PPOX: variants seen among roughly 807,000 people sequenced by gnomAD.
The protein encoded by PPOX is protoporphyrinogen oxidase, also known as variegate porphyria.
Under a neutral mutation model 54.1 loss-of-function variants are expected in PPOX, and 23 were observed. That is an observed-to-expected ratio of 0.43 (90% CI 0.31 to 0.60). The LOEUF (loss-of-function observed/expected upper bound fraction) is 0.60, where lower values mean the gene tolerates loss of function less well. Ranked by LOEUF, PPOX falls within the 20% of genes least tolerant of loss-of-function variation. The pLI is 0.13. For missense variants in PPOX, 512 were observed against 601.1 expected, an observed-to-expected ratio of 0.85 and a Z score of 1.55; for synonymous variants, 224 against 236.1, an observed-to-expected ratio of 0.95 and a Z score of 0.47.
chr1:161,172,772 A>C (rs573256302), downstream of PPOX, among the ~76,000 whole-genome samples: 154 of 152,242 alleles, frequency 1.0e-3, no homozygotes, highest in Middle Eastern at 3.4e-3. Flanking sequence ...TCACACCTGC[A>C]ATCCTAGCAC....
At chr1:161,171,742 G>A (rs1394212563), downstream of PPOX, 3 of 1,556,210 alleles carry the variant, frequency 1.9e-6, no homozygotes, top group African/African-American at 1.4e-5. Flanking sequence ...TCTGAGAACA[G>A]TGAGGAGCTG....
Position 161,171,014 on chromosome 1 carries a change from C to G in PPOX, c.1292-20C>G. 1 of 1,614,154 alleles carries G rather than the reference C, an allele frequency of 6.2e-7. No homozygotes were observed. Among genetic ancestry groups the G allele is most frequent in the Non-Finnish European group, 8.5e-7 (1 of 1,180,004 alleles). On this transcript the variant is annotated intron_variant, in intron 12 of 12. Transcript: ENST00000367999. ...CATCAGACCCCCAGCTAAAACATTC[C>G]TTTCATCCTTTCCTTCCAGAGTCAG...
At chr1:161,171,271 G>A (rs1661340849), downstream of PPOX, 25 of 1,593,356 alleles carry the variant, frequency 1.6e-5, no homozygotes, top group Non-Finnish European at 2.1e-5. Context: ...GGGCAGCAAA[G>A]AGGCAAAGTG....
chr1:161,167,588 ACGGAGTAT>A (rs1659538671), intron 4 of PPOX, 102 bp downstream of exon 4: 3 of 1,013,814 alleles, frequency 3.0e-6, no homozygotes, highest in African/African-American at 2.6e-5. Flanking sequence ...TTTTTTTGAG[ACGGAGTAT>A]CGCTCTCGCC....
Position 161,167,497 on chromosome 1 carries a change from C to T in PPOX, c.338+11C>T, listed in dbSNP as rs1659397683. On this transcript the variant is annotated intron_variant, in intron 4 of 12. Coordinates refer to ENST00000367999, the MANE Select transcript of PPOX (RefSeq NM_001122764.3). ...ACCCACTGGCCTCAGGTAACACCAG[C>T]ACCTCCGCTCCTTTTACTGTGCCCT... 6.2e-7 allele frequency: 1 copy of T among 1,610,988 alleles called. No homozygotes were observed. The highest frequency in any genetic ancestry group is 1.7e-5 in the Admixed American group (1 of 59,820).
downstream of PPOX, chr1:161,177,266 T>G: frequency 1.7e-6 from 1 of 605,160 alleles, no homozygotes; most frequent in Non-Finnish European, 2.9e-6. Flanking sequence ...CCCTACCTAC[T>G]AGCAACGTGA....
In PPOX at chr1:161,169,902, C is replaced by A. The variant is rs373276013; in HGVS notation, c.869-4C>A. 1.4e-5 allele frequency: 22 copies of A among 1,614,202 alleles called. No individual in the cohort carries two copies. In the African/African-American group the frequency reaches 2.5e-4, roughly 19 times the overall value. On this transcript the variant is annotated splice_region_variant and splice_polypyrimidine_tract_variant and intron_variant, in intron 8 of 12. Coordinates refer to ENST00000367999, the MANE Select transcript of PPOX (RefSeq NM_001122764.3). Reference sequence around the variant, plus strand: ...TCTGAGTCAGGCCTCTGCCTGATCTCTAGTGCTCAGTGAGCTGCTCCCTGC... The same window carrying A: ...TCTGAGTCAGGCCTCTGCCTGATCTATAGTGCTCAGTGAGCTGCTCCCTGC...
chr1:161,170,462 G>A lies in PPOX; in HGVS notation c.1041G>A (p.Val347=). The stretch of plus-strand genomic sequence containing the variant: ...AAGATCCAGGAGTCCTGGGAATCGT[G>A]TATGACTCAGTTGCTTTCCCTGAGC... ...SSEDPGVLGI[V]YDSVAFPEQD... Residue 347 remains valine (V), a synonymous_variant, in exon 10 of 13, where the codon GTG becomes GTA. Coordinates refer to ENST00000367999, the MANE Select transcript of PPOX (RefSeq NM_001122764.3). 1 of 1,614,244 alleles carries A rather than the reference G, an allele frequency of 6.2e-7. No individual in the cohort carries two copies.
chr1:161,167,120 T>C lies in PPOX; in HGVS notation c.108T>C (p.Ser36=), dbSNP rs1384682181. The C allele has an allele frequency of 6.2e-7, 1 of 1,614,198 alleles. No homozygotes were observed. The highest frequency in any genetic ancestry group is 8.5e-7 in the Non-Finnish European group (1 of 1,180,032). The change falls in exon 3 of 13, where the codon AGT becomes AGC. Residue 36 remains serine, a synonymous_variant. Coordinates refer to ENST00000367999, the MANE Select transcript of PPOX (RefSeq NM_001122764.3). ...GCCAGGTGGTCCTAGTGGAGAGCAG[T>C]GAGCGTCTGGGAGGCTGGATTCGCT... ...CPPKVVLVES[S]ERLGGWIRSV...
At chr1:161,169,444 A>G in intron 7 of PPOX, 1 of 694,652 alleles carries the variant, frequency 1.4e-6, no homozygotes, top group South Asian at 1.8e-5. Context: ...ACATTTCAGA[A>G]CAGCCACACT....
chr1:161,174,297 C>T (rs1314068076), downstream of PPOX, among the ~76,000 whole-genome samples: 1 of 151,710 alleles, frequency 6.6e-6, no homozygotes, highest in East Asian at 1.9e-4. Context: ...GTCCCAGCTA[C>T]TCAGGAGGCT....
At chr1:161,167,292 A>C in intron 3 of PPOX, 58 bp downstream of exon 3, 2 of 1,614,028 alleles carry the variant, frequency 1.2e-6, no homozygotes, top group Middle Eastern at 1.6e-4. Flanking sequence ...ATTGGGGAAT[A>C]GAGTTTAGGG....
chr1:161,174,423 AAAAGAAT>A (rs1662712656), downstream of PPOX, among the ~76,000 whole-genome samples: 18 of 152,100 alleles, frequency 1.2e-4, 1 homozygote, highest in Admixed American at 1.2e-3. Context: ...AAAAAGAAAA[AAAAGAAT>A]AAAAGTGAAA....
Position 161,169,030 on chromosome 1 carries a change from G to GGCCAAGGCCAGC in PPOX, c.657_658insAAGGCCAGCGCC (p.Ala219_Leu220insLysAlaSerAla), listed in dbSNP as rs2101876868. The GGCCAAGGCCAGC allele has an allele frequency of 3.7e-6, 6 of 1,614,204 alleles. No homozygotes were observed. The highest frequency in any genetic ancestry group is 5.1e-6 in the Non-Finnish European group (6 of 1,180,042). On this transcript the variant is annotated inframe_insertion, in exon 7 of 13. Coordinates refer to ENST00000367999, the MANE Select transcript of PPOX (RefSeq NM_001122764.3). ...AGCCAGACTCAGCACTCATTCGCCA[G>GGCCAAGGCCAGC]GCCTTGGCTGAGCGCTGGAGCCAGT...
At chr1:161,170,976 G>C (rs373857479) in intron 12 of PPOX, 27 bp downstream of exon 12, 6 of 1,614,132 alleles carry the variant, frequency 3.7e-6, no homozygotes, top group Non-Finnish European at 5.1e-6. Context: ...GCTGGGCTGA[G>C]GAGGGCCAAG....
At chr1:161,167,552 C>CTTTTAT in intron 4 of PPOX, 66 bp downstream of exon 4, 2 of 573,736 alleles carry the variant, frequency 3.5e-6, no homozygotes, top group Non-Finnish European at 5.4e-6. Context: ...TTTCTTTCTT[C>CTTTTAT]TTTTCTTTTT....
At chr1:161,167,593 G>A (rs1375499819) in intron 4 of PPOX, 107 bp downstream of exon 4, 2 of 1,265,006 alleles carry the variant, frequency 1.6e-6, no homozygotes, top group African/African-American at 1.8e-5. Flanking sequence ...TTGAGACGGA[G>A]TATCGCTCTC....
At chr1:161,173,560 G>A (rs1193359605), downstream of PPOX, 4 of 1,612,172 alleles carry the variant, frequency 2.5e-6, no homozygotes, top group Non-Finnish European at 2.5e-6. Flanking sequence ...AGAGGACAGG[G>A]ATCCAGACTG....
intron 4 of PPOX, 84 bp downstream of exon 4, chr1:161,167,570 T>TTTC: frequency 7.2e-7 from 1 of 1,396,838 alleles, no homozygotes; most frequent in Admixed American, 2.5e-5. Flanking sequence ...TTTTTTTTTT[T>TTTC]TTTTTTTTTT....
Sources: gnomAD v4.1 joint callset for allele counts (sites outside exome capture counted in the v4.1 genomes callset) on GRCh38, gnomAD v4.1.1 for gene constraint, MANE v1.5 for transcripts, NCBI Gene and HGNC (gene_info 2026-07-23, HGNC 2026-07-21) for gene names.